ATG10: variants seen among roughly 807,000 people sequenced by gnomAD.
The protein encoded by ATG10 is autophagy related 10, also known as ubiquitin-like-conjugating enzyme ATG10.
In ATG10, 30 loss-of-function variants were observed where a neutral mutation model predicts 32.1. That is an observed-to-expected ratio of 0.94 (90% confidence interval 0.70 to 1.27). The LOEUF (loss-of-function observed/expected upper bound fraction) is 1.27, where lower values mean the gene tolerates loss of function less well. Among genes scored for constraint, ATG10 ranks in the 50% most tolerant of loss-of-function variants. ATG10 has a pLI of 0.00. For missense variants in ATG10, 233 were observed against 262.3 expected, an observed-to-expected ratio of 0.89 and a Z score of 0.77; for synonymous variants, 87 against 91.5, an observed-to-expected ratio of 0.95 and a Z score of 0.28.
chr5:82,138,748 G>A (rs900729149), intron 3 of ATG10, among the ~76,000 whole-genome samples: 1 of 151,266 alleles, frequency 6.6e-6, no homozygotes, highest in African/African-American at 2.4e-5. Context: ...ATAGAAAGTA[G>A]TATCAATAAC....
At chr5:81,978,276 G>A (rs1418926515) in intron 1 of ATG10, among the ~76,000 whole-genome samples, 2 of 152,062 alleles carry the variant, frequency 1.3e-5, no homozygotes, top group African/African-American at 2.4e-5. Context: ...CACCATGTTG[G>A]TCAGGCTGGT....
At chr5:82,200,980 G>A (rs1394149327) in intron 5 of ATG10, among the ~76,000 whole-genome samples, 1 of 151,698 alleles carries the variant, frequency 6.6e-6, no homozygotes, top group Non-Finnish European at 1.5e-5. Context: ...TGCTCCCCGG[G>A]CTCAAGCAAT....
chr5:82,023,471 C>T (rs998818060), intron 2 of ATG10, among the ~76,000 whole-genome samples: 2 of 152,094 alleles, frequency 1.3e-5, no homozygotes, highest in African/African-American at 4.8e-5. Context: ...TAGTTTAGTA[C>T]ACATGGTGAT....
chr5:82,006,324 A>T (rs931547317), intron 2 of ATG10, among the ~76,000 whole-genome samples: 1 of 152,118 alleles, frequency 6.6e-6, no homozygotes, highest in Non-Finnish European at 1.5e-5. Context: ...TTTATTTTTA[A>T]ATGTCTTATT....
chr5:82,167,912 G>T (rs1158989919), intron 4 of ATG10, among the ~76,000 whole-genome samples: 1 of 152,200 alleles, frequency 6.6e-6, no homozygotes, highest in Non-Finnish European at 1.5e-5. Context: ...AGGTTTGGGA[G>T]AGGTGGTGGG....
intron 3 of ATG10, among the ~76,000 whole-genome samples, chr5:82,118,399 TA>T (rs370973186): frequency 2.0e-5 from 2 of 100,560 alleles, no homozygotes; most frequent in Non-Finnish European, 4.7e-5. Context: ...TATATATATA[TA>T]TATATGTATG....
chr5:82,137,417 G>C (rs999772444), intron 3 of ATG10, among the ~76,000 whole-genome samples: 1 of 152,130 alleles, frequency 6.6e-6, no homozygotes, highest in African/African-American at 2.4e-5. Context: ...CCTTTTTGTT[G>C]ATATTGATGC....
chr5:82,203,787 G>A (rs1745176019), intron 5 of ATG10, among the ~76,000 whole-genome samples: 1 of 152,076 alleles, frequency 6.6e-6, no homozygotes, highest in Non-Finnish European at 1.5e-5. Context: ...GAAATGATGT[G>A]ACTCTTGTGA....
intron 3 of ATG10, among the ~76,000 whole-genome samples, chr5:82,139,030 G>A (rs891718154): frequency 6.6e-6 from 1 of 150,728 alleles, no homozygotes; most frequent in African/African-American, 2.4e-5. Flanking sequence ...TTTTGGTGGA[G>A]ACGGGGTTTC....
chr5:82,096,498 A>G (rs1765071258), intron 3 of ATG10, among the ~76,000 whole-genome samples: 1 of 152,120 alleles, frequency 6.6e-6, no homozygotes, highest in Admixed American at 6.6e-5. Context: ...GCTGCCCTCT[A>G]GCCCTTGGCT....
chr5:82,063,649 T>C (rs1763855837), intron 3 of ATG10, among the ~76,000 whole-genome samples: 1 of 152,036 alleles, frequency 6.6e-6, no homozygotes, highest in Non-Finnish European at 1.5e-5. Context: ...CCCATCATCA[T>C]GCCTGGCTAA....
intron 4 of ATG10, among the ~76,000 whole-genome samples, chr5:82,171,016 G>T (rs1456075573): frequency 6.6e-6 from 1 of 152,154 alleles, no homozygotes; most frequent in African/African-American, 2.4e-5. Flanking sequence ...CTGGTAGTAT[G>T]GTTCTCAGAT....
chr5:81,987,088 A>G (rs979357011), intron 1 of ATG10, among the ~76,000 whole-genome samples: 15 of 152,226 alleles, frequency 9.9e-5, no homozygotes, highest in African/African-American at 3.6e-4. Flanking sequence ...CAACAAAAAA[A>G]TGGGGATAGG....
At chr5:82,206,637 G>A (rs1482039374) in intron 5 of ATG10, among the ~76,000 whole-genome samples, 7 of 148,562 alleles carry the variant, frequency 4.7e-5, no homozygotes, top group Admixed American at 6.7e-5. Context: ...GCGACAGAGC[G>A]AGACTCCATC....
chr5:82,147,210 C>A (rs1469766853), intron 3 of ATG10: 2 of 223,904 alleles, frequency 8.9e-6, no homozygotes, highest in Admixed American at 5.8e-5. Flanking sequence ...GCTCTGTCAC[C>A]CAGGCTGGAG....
intron 5 of ATG10, among the ~76,000 whole-genome samples, chr5:82,187,587 C>CT (rs1216835790): frequency 6.8e-6 from 1 of 147,480 alleles, no homozygotes; most frequent in Non-Finnish European, 1.5e-5. Flanking sequence ...TATTTTCTTT[C>CT]TTTTTTTTGA....
chr5:82,013,505 T>G (rs1244166427), intron 2 of ATG10, among the ~76,000 whole-genome samples: 1 of 152,216 alleles, frequency 6.6e-6, no homozygotes, highest in Non-Finnish European at 1.5e-5. Context: ...ATAGAATGAC[T>G]TCTTTTCCTC....
chr5:81,993,393 T>TGTTCTTTTCTTTTC (rs1761552872), intron 2 of ATG10, among the ~76,000 whole-genome samples: 1 of 105,604 alleles, frequency 9.5e-6, no homozygotes, highest in African/African-American at 4.1e-5. Flanking sequence ...CTTTTCTTTT[T>TGTTCTTTTCTTTTC]TTTTCTTTTC....
chr5:82,029,636 A>G (rs142573192), intron 2 of ATG10, among the ~76,000 whole-genome samples: 60 of 152,286 alleles, frequency 3.9e-4, no homozygotes, highest in Admixed American at 3.3e-3. Flanking sequence ...TGATGGGTAG[A>G]TGTTGCAGCA....
Sources: gnomAD v4.1 joint callset for allele counts (sites outside exome capture counted in the v4.1 genomes callset) on GRCh38, gnomAD v4.1.1 for gene constraint, MANE v1.5 for transcripts, NCBI Gene and HGNC (gene_info 2026-07-23, HGNC 2026-07-21) for gene names.